ASCC1: variants seen among roughly 807,000 people sequenced by gnomAD.
ASCC1 encodes activating signal cointegrator 1 complex subunit 1.
In ASCC1, 35 loss-of-function variants were observed where a neutral mutation model predicts 46.6. The ratio of observed to expected loss-of-function variants is 0.75; its 90% CI spans 0.57 to 0.99. The LOEUF (loss-of-function observed/expected upper bound fraction) is 0.99. Ranked by LOEUF, ASCC1 falls within the 50% of genes least tolerant of loss-of-function variation. The pLI is 0.00. For missense variants in ASCC1, 376 were observed against 428.7 expected (o/e 0.88, Z 1.09); for synonymous variants, 143 against 146.6 (o/e 0.98, Z 0.18).
rs191275912 is a variant in ASCC1, at chr10:72,132,229, G to A, written c.871+828C>T. 2.3e-3 allele frequency among the ~76,000 whole-genome samples: 344 copies of A among 152,180 alleles called. 2 individuals carry two copies. The highest frequency in any genetic ancestry group is 2.6e-3 in the Non-Finnish European group (179 of 68,004). On this transcript the variant is annotated intron_variant, in intron 8 of 9. Coordinates refer to ENST00000672957, the MANE Select transcript of ASCC1 (RefSeq NM_001198800.3). ...AAGAAAGGAAATGAAACCGGAATAC[G>A]TGACCTTGGTGCTGCTAGTGTATTT...
intron 6 of ASCC1, among the ~76,000 whole-genome samples, chr10:72,154,761 G>A (rs1262820287): frequency 1.3e-5 from 2 of 152,038 alleles, no homozygotes; most frequent in Non-Finnish European, 2.9e-5. Flanking sequence ...CAAAGTGCTG[G>A]GATTACAGGC....
At chr10:72,213,436 A>C (rs1858477054) in intron 1 of ASCC1, 105 bp from the exon 2 acceptor site, 3 of 683,382 alleles carry the variant, frequency 4.4e-6, no homozygotes, top group Non-Finnish European at 2.7e-6. Context: ...AGTTCACAGT[A>C]TCTCCCACAC....
intron 9 of ASCC1, among the ~76,000 whole-genome samples, chr10:72,113,798 A>G: frequency 6.6e-6 from 1 of 152,220 alleles, no homozygotes; most frequent in Non-Finnish European, 1.5e-5. Flanking sequence ...TCAAAATATG[A>G]AAAGCCCCTA....
rs80279742 is a variant in ASCC1 at position 72,206,696 on chromosome 10, C to T, written c.213-3172G>A. 6.5e-3 allele frequency among the ~76,000 whole-genome samples: 985 copies of T among 152,210 alleles called. 14 individuals are homozygous for T. Among genetic ancestry groups the T allele is most frequent in the African/African-American group, 0.023 (938 of 41,526 alleles). On this transcript the variant is annotated intron_variant, in intron 3 of 9. Transcript: ENST00000672957. ...TACGGAATCCGGCTTGGATTCATTC[C>T]AACCCAGAGATTCATTCCTTTATCT... is the stretch of plus-strand genomic sequence containing the variant.
intron 4 of ASCC1, among the ~76,000 whole-genome samples, chr10:72,200,581 G>A (rs1262314178): frequency 6.6e-6 from 1 of 151,386 alleles, no homozygotes; most frequent in African/African-American, 2.4e-5. Flanking sequence ...CCAGGAGGTG[G>A]AGGTTGCATT....
rs768398422 is a variant in ASCC1 at position 72,133,191 on chromosome 10, T to C, written c.747-10A>G. 110 of 1,613,872 alleles carry C rather than the reference T, an allele frequency of 6.8e-5. No homozygotes were observed. Among genetic ancestry groups the C allele is most frequent in the East Asian group, 1.6e-4 (7 of 44,890 alleles). ...AACTAATTCTTGTAGCCTGGAGAAATTGGAGAAAAGTAATGCAGAAATCTT... is the reference window on the plus strand; with the variant it reads ...AACTAATTCTTGTAGCCTGGAGAAACTGGAGAAAAGTAATGCAGAAATCTT... On this transcript the variant is annotated splice_polypyrimidine_tract_variant and intron_variant, in intron 7 of 9. Coordinates refer to ENST00000672957, the MANE Select transcript of ASCC1 (RefSeq NM_001198800.3).
At chr10:72,104,915 T>TG (rs1480214312) in intron 9 of ASCC1, among the ~76,000 whole-genome samples, 2 of 152,108 alleles carry the variant, frequency 1.3e-5, no homozygotes, top group Non-Finnish European at 2.9e-5. Flanking sequence ...TTCAGAGGGA[T>TG]GGCTGGACTC....
intron 7 of ASCC1, among the ~76,000 whole-genome samples, chr10:72,148,172 T>G (rs915662619): frequency 1.4e-4 from 22 of 152,220 alleles, no homozygotes; most frequent in African/African-American, 5.3e-4. Context: ...AAAAATGATT[T>G]TATTAAATCT....
chr10:72,135,557 C>T (rs556225258), intron 7 of ASCC1, among the ~76,000 whole-genome samples: 4 of 152,256 alleles, frequency 2.6e-5, no homozygotes, highest in Admixed American at 1.3e-4. Flanking sequence ...GTGATGAAGT[C>T]GGAGAGGTGT....
chr10:72,144,764 T>C (rs1847438102), intron 7 of ASCC1, among the ~76,000 whole-genome samples: 1 of 152,158 alleles, frequency 6.6e-6, no homozygotes, highest in African/African-American at 2.4e-5. Flanking sequence ...TTCCCCTTAG[T>C]CCTGATTTAC....
chr10:72,172,874 ATAT>A (rs1460701851), intron 5 of ASCC1, among the ~76,000 whole-genome samples: 12 of 124,560 alleles, frequency 9.6e-5, no homozygotes, highest in East Asian at 7.3e-4. Flanking sequence ...TATATATTAT[ATAT>A]TATATTTTTA....
chr10:72,204,668 G>C (rs1856950954), intron 3 of ASCC1, among the ~76,000 whole-genome samples: 1 of 152,170 alleles, frequency 6.6e-6, no homozygotes, highest in African/African-American at 2.4e-5. Context: ...CTATTCGTTA[G>C]TTTTTGCGTG....
chr10:72,106,245 A>C (rs1162042935), intron 9 of ASCC1, among the ~76,000 whole-genome samples: 2 of 152,228 alleles, frequency 1.3e-5, no homozygotes, highest in African/African-American at 4.8e-5. Context: ...TACGCTATTT[A>C]TAATCATTCT....
At chr10:72,184,092 C>T (rs1024015847) in intron 5 of ASCC1, among the ~76,000 whole-genome samples, 1 of 150,996 alleles carries the variant, frequency 6.6e-6, no homozygotes, top group Non-Finnish European at 1.5e-5. Context: ...TGCAGTGAGC[C>T]GAGACTGCAC....
chr10:72,138,600 C>CTTTTTTTTTT (rs1011535460), intron 7 of ASCC1, among the ~76,000 whole-genome samples: 21 of 104,540 alleles, frequency 2.0e-4, no homozygotes, highest in African/African-American at 3.0e-4. Context: ...TTCTTTCTTT[C>CTTTTTTTTTT]TTTTTTTTTT....
rs61635463 is a variant in ASCC1, at chr10:72,114,481, C to T, written c.957+13601G>A. ...TCTACTAAAAATACAAAATATTAGCCGGGCATGGTGGCGGGCCCCTGTAGT... is the reference window on the plus strand; with the variant it reads ...TCTACTAAAAATACAAAATATTAGCTGGGCATGGTGGCGGGCCCCTGTAGT... On this transcript the variant is annotated intron_variant, in intron 9 of 9. Coordinates refer to ENST00000672957, the MANE Select transcript of ASCC1 (RefSeq NM_001198800.3). 9.3e-3 allele frequency among the ~76,000 whole-genome samples: 1,407 copies of T among 151,992 alleles called. 14 individuals are homozygous for T. Among genetic ancestry groups the T allele is most frequent in the African/African-American group, 0.032 (1,337 of 41,490 alleles).
Position 72,207,805 on chromosome 10 carries a change from A to G in ASCC1, c.212+2927T>C, listed in dbSNP as rs192381344. 2.4e-3 allele frequency among the ~76,000 whole-genome samples: 329 copies of G among 134,606 alleles called. 2 individuals carry two copies. Among genetic ancestry groups the G allele is most frequent in the African/African-American group, 9.0e-3 (319 of 35,318 alleles). 88.3% of individuals were successfully genotyped at this position (134,606 alleles called of 152,430 possible). On this transcript the variant is annotated intron_variant, in intron 3 of 9. Coordinates refer to ENST00000672957, the MANE Select transcript of ASCC1 (RefSeq NM_001198800.3). ...CCTACAGAAATTATTCCCAAGAAAGAAATCTTAGTATTTTTTTTTTTTTTG... is the reference window on the plus strand; with the variant it reads ...CCTACAGAAATTATTCCCAAGAAAGGAATCTTAGTATTTTTTTTTTTTTTG...
rs879325307 is a variant in ASCC1, at chr10:72,209,533, C to T, written c.212+1199G>A. 2.4e-4 allele frequency among the ~76,000 whole-genome samples: 37 copies of T among 152,142 alleles called. No homozygotes were observed. The Middle Eastern group carries it at 0.01, about 42-fold the overall frequency. On this transcript the variant is annotated intron_variant, in intron 3 of 9. Coordinates refer to ENST00000672957, the MANE Select transcript of ASCC1 (RefSeq NM_001198800.3). ...GTGCAGTGGCTCACACCTATAATTC[C>T]GGCACTTTGGGAAGCTGAGGCAGGT... is the stretch of plus-strand genomic sequence containing the variant.
intron 5 of ASCC1, among the ~76,000 whole-genome samples, chr10:72,191,837 G>A (rs910557602): frequency 2.0e-5 from 3 of 151,730 alleles, no homozygotes; most frequent in Non-Finnish European, 4.4e-5. Context: ...TAGTAGAGAC[G>A]GGGCTTCACC....
Sources: allele counts gnomAD v4.1 joint callset (sites outside exome capture counted in the v4.1 genomes callset), GRCh38; gene constraint gnomAD v4.1.1; transcripts MANE v1.5; gene names NCBI Gene and HGNC (gene_info 2026-07-23, HGNC 2026-07-21).